The following EYA3 variants were observed in gnomAD, a reference collection of about 807,000 sequenced individuals.
The protein encoded by EYA3 is protein phosphatase EYA3.
EYA3 carries 39 observed loss-of-function variants against 80.0 expected under a neutral mutation model. The observed-to-expected ratio is 0.49, with a 90% CI of 0.38 to 0.64. The LOEUF (loss-of-function observed/expected upper bound fraction) is 0.64, where lower values mean the gene tolerates loss of function less well. Ranked by LOEUF, EYA3 falls within the 30% of genes least tolerant of loss-of-function variation. EYA3 has a pLI of 0.00. For missense variants in EYA3, 523 were observed against 676.1 expected (o/e 0.77, Z 2.51); for synonymous variants, 206 against 232.8 (o/e 0.88, Z 1.05).
intron 6 of EYA3, among the ~76,000 whole-genome samples, chr1:28,030,491 T>C (rs1462328836): frequency 6.6e-6 from 1 of 152,146 alleles, no homozygotes; most frequent in African/African-American, 2.4e-5. Context: ...TTTGTCATAT[T>C]GCCTAGGCTG....
At chr1:28,020,649 T>A (rs917577136) in intron 7 of EYA3, among the ~76,000 whole-genome samples, 7 of 147,290 alleles carry the variant, frequency 4.8e-5, no homozygotes, top group East Asian at 2.0e-4. Flanking sequence ...CAGGCACTTT[T>A]AAAAAAATAC....
chr1:28,061,646 C>T (rs1644631303), intron 1 of EYA3, among the ~76,000 whole-genome samples: 1 of 151,646 alleles, frequency 6.6e-6, no homozygotes, highest in Non-Finnish European at 1.5e-5. Context: ...GTCGCCCAGG[C>T]TGGAGTGCAG....
chr1:28,013,352 C>A lies in EYA3; in HGVS notation c.586-58G>T, dbSNP rs765666298. The A allele has an allele frequency of 7.5e-7, 1 of 1,337,544 alleles. No homozygotes were observed. The highest frequency in any genetic ancestry group is 1.0e-6 in the Non-Finnish European group (1 of 1,003,746). 82.9% of individuals were successfully genotyped at this position (1,337,544 alleles called of 1,614,324 possible). On this transcript the variant is annotated intron_variant, in intron 8 of 17. Transcript: ENST00000373871. This position sits in a 1 kb window ranked among gnomAD's most constrained non-coding sequence, Gnocchi z 4.0. ...CTTATAGCATACATTAATCTCAACA[C>A]AAGAGGCTTTCTTCTCCCTCTTTCT...
intron 7 of EYA3, among the ~76,000 whole-genome samples, chr1:28,019,983 T>C (rs993721450): frequency 6.6e-6 from 1 of 152,168 alleles, no homozygotes; most frequent in South Asian, 2.1e-4. Flanking sequence ...ATTACAGGCA[T>C]GAGCCACCAC....
chr1:28,003,057 C>T (rs1323995595), intron 11 of EYA3, among the ~76,000 whole-genome samples: 1 of 149,934 alleles, frequency 6.7e-6, no homozygotes, highest in African/African-American at 2.5e-5. Flanking sequence ...GAGATCAAGA[C>T]CATCCTGGCT....
chr1:27,973,337 C>T lies in EYA3; in HGVS notation c.*1129G>A, dbSNP rs1365443729. ...CTGGCCAGAGCTGCCTGGAGGTGGA[C>T]ATGAGGTGCAGAGGGCAGGAAAGGG... is the stretch of plus-strand genomic sequence containing the variant. On this transcript the variant is annotated 3_prime_UTR_variant, in exon 18 of 18. Transcript: ENST00000373871. The T allele has an allele frequency of 6.6e-6, 1 of 152,114 alleles. No homozygotes were observed. The highest frequency in any genetic ancestry group is 1.9e-4 in the East Asian group (1 of 5,202). 9.4% of individuals were successfully genotyped at this position (152,114 alleles called of 1,614,324 possible).
chr1:28,025,863 C>T (rs549348117), intron 7 of EYA3, among the ~76,000 whole-genome samples: 2 of 152,272 alleles, frequency 1.3e-5, no homozygotes, highest in Non-Finnish European at 2.9e-5. Context: ...CAGGTTCAAG[C>T]GATTCTCATA....
intron 2 of EYA3, among the ~76,000 whole-genome samples, chr1:28,048,768 T>C (rs1644129341): frequency 6.6e-6 from 1 of 151,904 alleles, no homozygotes; most frequent in South Asian, 2.1e-4. Flanking sequence ...AAACAAACAG[T>C]AAAGATGGGA....
chr1:27,982,149 G>A (rs996316633), intron 16 of EYA3, among the ~76,000 whole-genome samples: 1 of 151,916 alleles, frequency 6.6e-6, no homozygotes, highest in African/African-American at 2.4e-5. Flanking sequence ...CAGGACTACA[G>A]GTGCCCGCCA....
chr1:28,060,909 G>T (rs915695583), intron 1 of EYA3, among the ~76,000 whole-genome samples: 3 of 152,320 alleles, frequency 2.0e-5, no homozygotes, highest in South Asian at 2.1e-4. Context: ...AGCTCCTTGG[G>T]AGGCTGAGGC....
intron 5 of EYA3, among the ~76,000 whole-genome samples, chr1:28,037,228 G>A (rs1010189050): frequency 2.6e-5 from 4 of 152,136 alleles, no homozygotes; most frequent in African/African-American, 9.7e-5. Flanking sequence ...AACTGGAAAT[G>A]GAGATCCAGT....
At chr1:28,042,014 C>T (rs1331293296) in intron 4 of EYA3, among the ~76,000 whole-genome samples, 1 of 152,078 alleles carries the variant, frequency 6.6e-6, no homozygotes, top group Non-Finnish European at 1.5e-5. Flanking sequence ...CCCAATGGAC[C>T]AGAATCACCT....
intron 2 of EYA3, among the ~76,000 whole-genome samples, chr1:28,052,000 T>C (rs943548500): frequency 1.3e-4 from 20 of 151,766 alleles, no homozygotes; most frequent in African/African-American, 4.6e-4. Flanking sequence ...CTCACATTTT[T>C]CCATTTCTTT....
chr1:28,057,955 T>G (rs1226588953), intron 2 of EYA3, 39 bp downstream of exon 2: 3 of 1,315,348 alleles, frequency 2.3e-6, no homozygotes, highest in Admixed American at 4.2e-5. Flanking sequence ...AGATTAGCTC[T>G]TCTACAATCA....
intron 1 of EYA3, among the ~76,000 whole-genome samples, chr1:28,067,411 C>T (rs900633639): frequency 5.9e-5 from 9 of 152,116 alleles, no homozygotes; most frequent in East Asian, 5.8e-4. Context: ...AAAGCAGATA[C>T]AAAGCTTACA....
At chr1:28,040,734 G>T (rs1001435863) in intron 4 of EYA3, among the ~76,000 whole-genome samples, 1 of 152,062 alleles carries the variant, frequency 6.6e-6, no homozygotes. Context: ...TTGAGAGGCT[G>T]GAAAAGTGAA....
chr1:28,084,595 ATTTTTTTTTTTTTTTTT>A (rs869103612), intron 1 of EYA3, among the ~76,000 whole-genome samples: 3 of 15,230 alleles, frequency 2.0e-4, no homozygotes, highest in Non-Finnish European at 3.2e-4. Context: ...ATATATATAT[ATTTTTTTTTTTTTTTTT>A]TTTTTTTTTT....
intron 17 of EYA3, among the ~76,000 whole-genome samples, chr1:27,975,611 G>A (rs1031560105): frequency 4.1e-5 from 6 of 148,128 alleles, no homozygotes; most frequent in Admixed American, 6.8e-5. Flanking sequence ...TCAGCCTCCC[G>A]AGTAGCTGGG....
At chr1:28,077,395 C>T (rs999908803) in intron 1 of EYA3, among the ~76,000 whole-genome samples, 25 of 152,104 alleles carry the variant, frequency 1.6e-4, no homozygotes, top group African/African-American at 5.3e-4. Context: ...CATGAGCCAC[C>T]GTGCTTCCCC....
Sources: allele counts gnomAD v4.1 joint callset (sites outside exome capture counted in the v4.1 genomes callset), GRCh38; gene constraint gnomAD v4.1.1; non-coding constraint Gnocchi (gnomAD v3.1); transcripts MANE v1.5; gene names NCBI Gene and HGNC (gene_info 2026-07-23, HGNC 2026-07-21).